The following SMC3 variants were observed in gnomAD, a reference collection of about 807,000 sequenced individuals.
SMC3 encodes the protein structural maintenance of chromosomes 3, also known as structural maintenance of chromosomes protein 3.
SMC3 carries 20 observed loss-of-function variants against 171.8 expected under a neutral mutation model. The observed-to-expected ratio is 0.12, with a 90% CI of 0.08 to 0.17. The LOEUF (loss-of-function observed/expected upper bound fraction) is 0.17, where lower values mean the gene tolerates loss of function less well. Among genes scored for constraint, SMC3 ranks in the 10% least tolerant of loss-of-function variants. The pLI is 1.00. For missense variants in SMC3, 543 were observed against 1,420.4 expected (o/e 0.38, Z 9.93); for synonymous variants, 464 against 451.1 (o/e 1.03, Z -0.36).
At chr10:110,579,386 A>C (rs1025474785) in intron 7 of SMC3, among the ~76,000 whole-genome samples, 2 of 152,152 alleles carry the variant, frequency 1.3e-5, no homozygotes, top group Admixed American at 1.3e-4. Flanking sequence ...CGATTTAACT[A>C]TTTGTGGGAG....
At position 110,604,507 on chromosome 10, in the gene SMC3, A is replaced by G. The variant is rs1861439429; in HGVS notation, c.*205A>G. The G allele has an allele frequency of 5.9e-6, 3 of 508,874 alleles. No homozygotes were observed. The highest frequency in any genetic ancestry group is 1.9e-5 in the African/African-American group (1 of 51,610). The allele number at this position is 508,874 out of a possible 1,614,324, so 31.5% of individuals were successfully genotyped here. ...AGTTTAAGAATTTAATTTCCTGTAC[A>G]ACTTTTTGTAAAATGTTCTGCTCCT... is the stretch of plus-strand genomic sequence containing the variant. On this transcript the variant is annotated 3_prime_UTR_variant, in exon 29 of 29. Coordinates refer to ENST00000361804, the MANE Select transcript of SMC3 (RefSeq NM_005445.4).
Position 110,601,052 on chromosome 10 carries a change from G to A in SMC3, c.2566G>A (p.Gly856Ser), listed in dbSNP as rs1019278406. Residue 856 changes from glycine (G) to serine (S), a missense_variant, in exon 23 of 29, where the codon GGT becomes AGT. Transcript: ENST00000361804. The part of the protein sequence containing the change: ...ELNELRETEG[G>S]TVLTATTSEL... ...TAATGAGCTGAGAGAGACAGAAGGG[G>A]GTACTGTTCTCACAGCCACAACATC... The A allele has an allele frequency of 1.2e-6, 2 of 1,613,162 alleles. No homozygotes were observed. Among genetic ancestry groups the A allele is most frequent in the East Asian group, 2.2e-5 (1 of 44,774 alleles).
At chr10:110,571,031 T>C (rs957195697) in intron 2 of SMC3, among the ~76,000 whole-genome samples, 76 of 152,352 alleles carry the variant, frequency 5.0e-4, no homozygotes, top group Admixed American at 2.7e-3. Flanking sequence ...ATCAAACATA[T>C]ACGTTTTTAG....
At chr10:110,584,835 G>A in intron 13 of SMC3, among the ~76,000 whole-genome samples, 1 of 152,098 alleles carries the variant, frequency 6.6e-6, no homozygotes, top group East Asian at 1.9e-4. Context: ...ATGTAGCCTA[G>A]GCTGGTCTCG....
intron 13 of SMC3, among the ~76,000 whole-genome samples, chr10:110,588,444 C>T (rs1287184465): frequency 6.6e-6 from 1 of 152,282 alleles, no homozygotes; most frequent in South Asian, 2.1e-4. Flanking sequence ...TTTACAATTA[C>T]TTTGATATCT....
intron 17 of SMC3, among the ~76,000 whole-genome samples, chr10:110,592,273 A>G (rs1419675665): frequency 1.3e-5 from 2 of 151,988 alleles, no homozygotes; most frequent in African/African-American, 4.8e-5. Flanking sequence ...CAAAAAAAAA[A>G]AAAAATTTTA....
Position 110,596,450 on chromosome 10 carries a change from G to A in SMC3, c.2016G>A (p.Arg672=). 2 of 1,614,044 alleles carry A rather than the reference G, an allele frequency of 1.2e-6. No homozygotes were observed. The highest frequency in any genetic ancestry group is 2.2e-5 in the South Asian group (2 of 91,076). ...TAACTGGGGGTTATTATGACACAAG[G>A]AAGTCTCGACTTGAATTGCAAAAAG... ...GALTGGYYDT[R]KSRLELQKDV... The change falls in exon 19 of 29, where the codon AGG becomes AGA. Residue 672 remains arginine, a synonymous_variant. Transcript: ENST00000361804.
rs753181137 is a variant in SMC3 at position 110,599,648 on chromosome 10, A to G, written c.2269-6A>G. The G allele has an allele frequency of 6.2e-7, 1 of 1,613,094 alleles. No homozygotes were observed. The highest frequency in any genetic ancestry group is 8.5e-7 in the Non-Finnish European group (1 of 1,179,180). ...ACCTTACTAATAAATGGATAATGTCATATAGCAACGTAGCTTACAGAGTTT... is the reference window on the plus strand; with the variant it reads ...ACCTTACTAATAAATGGATAATGTCGTATAGCAACGTAGCTTACAGAGTTT... On this transcript the variant is annotated splice_polypyrimidine_tract_variant and splice_region_variant and intron_variant, in intron 20 of 28. Transcript: ENST00000361804.
intron 20 of SMC3, among the ~76,000 whole-genome samples, chr10:110,598,725 ATC>A (rs1370278628): frequency 1.3e-5 from 2 of 152,084 alleles, no homozygotes. Context: ...ACTTTTGGAT[ATC>A]TACATCTATT....
intron 2 of SMC3, among the ~76,000 whole-genome samples, chr10:110,571,179 A>G (rs916193532): frequency 2.6e-5 from 4 of 152,168 alleles, no homozygotes; most frequent in Admixed American, 2.0e-4. Flanking sequence ...ACTGCACACC[A>G]TGATTCTTCA....
chr10:110,603,545 C>G (rs1861419392), intron 28 of SMC3, among the ~76,000 whole-genome samples: 1 of 152,194 alleles, frequency 6.6e-6, no homozygotes, highest in Admixed American at 6.5e-5. Context: ...CTGTAATGCA[C>G]AGTCTTTAAC....
chr10:110,577,944 T>G lies in SMC3; in HGVS notation c.350+30T>G, dbSNP rs7914351. 84,691 of 1,441,184 alleles carry G rather than the reference T, an allele frequency of 0.059. 4,787 individuals are homozygous for G. The highest frequency in any genetic ancestry group is 0.29 in the African/African-American group (20,874 of 71,850). 89.3% of individuals were successfully genotyped at this position (1,441,184 alleles called of 1,614,324 possible). ...GCATTTTTCTTTTTTTTAAAAAAAC[T>G]GAATATGTACTTAAATAGAGATGGG... On this transcript the variant is annotated intron_variant, in intron 6 of 28. Coordinates refer to ENST00000361804, the MANE Select transcript of SMC3 (RefSeq NM_005445.4).
intron 22 of SMC3, 57 bp downstream of exon 22, chr10:110,600,603 G>A: frequency 1.1e-6 from 1 of 871,738 alleles, no homozygotes; most frequent in Non-Finnish European, 2.0e-6. Context: ...ATGACCTATT[G>A]CAAGTGGTTA....
chr10:110,574,306 C>G (rs1003807238), intron 3 of SMC3, among the ~76,000 whole-genome samples: 11 of 152,164 alleles, frequency 7.2e-5, no homozygotes, highest in Non-Finnish European at 1.6e-4. Flanking sequence ...AAAATTCTCT[C>G]TAAATTGCAT....
chr10:110,578,065 C>T (rs1450931216), intron 6 of SMC3, 151 bp downstream of exon 6: 20 of 637,872 alleles, frequency 3.1e-5, no homozygotes, highest in African/African-American at 5.5e-5. Flanking sequence ...TGAGCCACCA[C>T]GCCCAGCCAG....
rs979653876 is a variant in SMC3, at chr10:110,569,267, T to C, written c.91+254T>C. 2.0e-5 allele frequency among the ~76,000 whole-genome samples: 3 copies of C among 152,200 alleles called. No individual in the cohort carries two copies. In the South Asian group the frequency reaches 6.2e-4, roughly 31 times the overall value. On this transcript the variant is annotated intron_variant, in intron 2 of 28. Transcript: ENST00000361804. ...CCTTGTATGTGTGTGTAAGAGTGTTTTAAAGCATTTCCGCTCTTCTGTTCT... is the reference window on the plus strand; with the variant it reads ...CCTTGTATGTGTGTGTAAGAGTGTTCTAAAGCATTTCCGCTCTTCTGTTCT...
intron 19 of SMC3, among the ~76,000 whole-genome samples, 158 bp from the exon 20 acceptor site, chr10:110,597,981 G>A (rs1009863330): frequency 1.3e-5 from 2 of 152,138 alleles, no homozygotes; most frequent in Non-Finnish European, 2.9e-5. Flanking sequence ...TGCATTTTGG[G>A]TAATATAGTT....
At chr10:110,581,079 G>C (rs1469168584) in intron 8 of SMC3, 58 bp downstream of exon 8, 2 of 914,154 alleles carry the variant, frequency 2.2e-6, no homozygotes, top group African/African-American at 3.2e-5. Context: ...TTTTGTGACA[G>C]AGTGGCTCCA....
At position 110,604,105 on chromosome 10, in the gene SMC3, A is replaced by AAC. The variant is rs1226918237; in HGVS notation, c.3583-125_3583-124insCA. ...GCAAGACTCCATCTCAAAAAAAAAAAAAAAAAAAAAAACTAAAAATTAAAA... is the reference window on the plus strand; with the variant it reads ...GCAAGACTCCATCTCAAAAAAAAAAAACAAAAAAAAAAAACTAAAAATTAAAA... On this transcript the variant is annotated intron_variant, in intron 28 of 28. Coordinates refer to ENST00000361804, the MANE Select transcript of SMC3 (RefSeq NM_005445.4). 3 of 511,932 alleles carry AAC rather than the reference A, an allele frequency of 5.9e-6. No individual in the cohort carries two copies. In the African/African-American group the frequency reaches 6.0e-5, roughly 10 times the overall value. The allele number at this position is 511,932 out of a possible 1,614,324, so 31.7% of individuals were successfully genotyped here.
Sources: allele counts gnomAD v4.1 joint callset (sites outside exome capture counted in the v4.1 genomes callset), GRCh38; gene constraint gnomAD v4.1.1; transcripts MANE v1.5; gene names NCBI Gene and HGNC (gene_info 2026-07-23, HGNC 2026-07-21).